The following SLC22A16 variants were observed in gnomAD, a reference collection of about 807,000 sequenced individuals.
SLC22A16 encodes solute carrier family 22 member 16.
Under a neutral mutation model 52.9 loss-of-function variants are expected in SLC22A16, and 53 were observed. That is an observed-to-expected ratio of 1.00 (90% CI 0.80 to 1.26). The LOEUF (loss-of-function observed/expected upper bound fraction) is 1.26. Among genes scored for constraint, SLC22A16 ranks in the 50% most tolerant of loss-of-function variants. SLC22A16 has a pLI of 0.00. For missense variants in SLC22A16, 726 were observed against 704.0 expected (o/e 1.03, Z -0.35); for synonymous variants, 291 against 268.8 (o/e 1.08, Z -0.81).
chr6:110,452,612 A>C (rs1428558323), intron 2 of SLC22A16, among the ~76,000 whole-genome samples: 1 of 152,214 alleles, frequency 6.6e-6, no homozygotes, highest in East Asian at 1.9e-4. Flanking sequence ...AGGCAGGAGA[A>C]TTGCTTGAGC....
chr6:110,437,695 C>A (rs1774788157), intron 5 of SLC22A16, among the ~76,000 whole-genome samples: 1 of 152,000 alleles, frequency 6.6e-6, no homozygotes, highest in Non-Finnish European at 1.5e-5. Context: ...ATTTTAAGTA[C>A]TGTTATAGTG....
At chr6:110,476,142 G>T (rs1562306771) in intron 1 of SLC22A16, 1 of 397,260 alleles carries the variant, frequency 2.5e-6, no homozygotes, top group Non-Finnish European at 4.7e-6. Context: ...GGAAGTGGCG[G>T]CGGATTAGAG....
chr6:110,471,155 T>C (rs894851156), intron 1 of SLC22A16, among the ~76,000 whole-genome samples: 2 of 152,144 alleles, frequency 1.3e-5, no homozygotes, highest in African/African-American at 4.8e-5. Context: ...GATTATAATA[T>C]TAATATCATA....
intron 1 of SLC22A16, among the ~76,000 whole-genome samples, chr6:110,472,297 C>G (rs998083840): frequency 2.0e-5 from 3 of 152,118 alleles, no homozygotes; most frequent in Non-Finnish European, 4.4e-5. Flanking sequence ...TCTCCCTGCC[C>G]ACACTCCCAC....
In SLC22A16 at chr6:110,438,882, G is replaced by A. The variant is rs756653435; in HGVS notation, c.1184-35C>T. On this transcript the variant is annotated intron_variant, in intron 4 of 7. Coordinates refer to ENST00000368919, the MANE Select transcript of SLC22A16 (RefSeq NM_033125.4). ...AGCAAGCAGCCCTCTATAAGTCTAG[G>A]TACCCGACTGCAAAAGGGGACCCCC... is the stretch of plus-strand genomic sequence containing the variant. 6 of 1,609,362 alleles carry A rather than the reference G, an allele frequency of 3.7e-6. No individual in the cohort carries two copies. In the Admixed American group the frequency reaches 5.0e-5, roughly 13 times the overall value.
chr6:110,425,365 A>G (rs1237778284), intron 7 of SLC22A16: 1 of 1,370,734 alleles, frequency 7.3e-7, no homozygotes, highest in Non-Finnish European at 9.7e-7. Flanking sequence ...ATTACTCCTG[A>G]AGGTGCTGTC....
chr6:110,445,110 T>C (rs1775118225), intron 3 of SLC22A16, among the ~76,000 whole-genome samples: 1 of 152,132 alleles, frequency 6.6e-6, no homozygotes, highest in South Asian at 2.1e-4. Context: ...ATTCCTGGAA[T>C]CCCTTTTGTG....
In SLC22A16 at chr6:110,442,423, C is replaced by A. The variant is rs1405401958; in HGVS notation, c.1004G>T (p.Ser335Ile). ...LLSLDLQGPVSNSPTEVQKHN... is the reference protein window; with the variant it reads ...LLSLDLQGPVINSPTEVQKHN... Reference sequence around the variant, plus strand: ...CTTCTGAACTTCAGTGGGGCTATTACTAACAGGACCTTGTAGGTCCAGTGA... The same window carrying A: ...CTTCTGAACTTCAGTGGGGCTATTAATAACAGGACCTTGTAGGTCCAGTGA... The change falls in exon 4 of 8, where the codon AGT (serine) becomes ATT (isoleucine). Residue 335 changes from serine to isoleucine, a missense_variant. By Grantham distance (142) the Ser-to-Ile change is moderately radical (BLOSUM62 -2). Transcript: ENST00000368919. The A allele has an allele frequency of 6.2e-7, 1 of 1,614,220 alleles. No individual in the cohort carries two copies. Among genetic ancestry groups the A allele is most frequent in the South Asian group, 1.1e-5 (1 of 91,084 alleles).
Position 110,431,156 on chromosome 6 carries a change from C to A in SLC22A16, c.1521+15G>T, listed in dbSNP as rs1164551199. 3.7e-6 allele frequency: 6 copies of A among 1,611,880 alleles called. No homozygotes were observed. The highest frequency in any genetic ancestry group is 5.1e-6 in the Non-Finnish European group (6 of 1,178,436). On this transcript the variant is annotated intron_variant, in intron 7 of 7. Transcript: ENST00000368919. ...TCCGTGCCCCCTTGGGGAGGGTCTG[C>A]AAACTGAAGCACACCTGTGGTATGA... is the stretch of plus-strand genomic sequence containing the variant.
chr6:110,469,799 C>A (rs1056018315), intron 1 of SLC22A16, among the ~76,000 whole-genome samples: 1 of 152,198 alleles, frequency 6.6e-6, no homozygotes, highest in South Asian at 2.1e-4. Flanking sequence ...AAAGACATTA[C>A]ACTAATGGGT....
At chr6:110,454,114 C>T (rs1775490753) in intron 2 of SLC22A16, among the ~76,000 whole-genome samples, 1 of 152,194 alleles carries the variant, frequency 6.6e-6, no homozygotes, top group East Asian at 1.9e-4. Flanking sequence ...AACACCGCCA[C>T]ACTGGGGATC....
intron 6 of SLC22A16, 122 bp from the exon 7 acceptor site, chr6:110,431,392 A>G: frequency 1.3e-6 from 1 of 758,804 alleles, no homozygotes; most frequent in Non-Finnish European, 2.2e-6. Flanking sequence ...CAGGCAGCGC[A>G]TTACAACGTT....
At chr6:110,472,784 T>A (rs1562304134) in intron 1 of SLC22A16, among the ~76,000 whole-genome samples, 2 of 152,240 alleles carry the variant, frequency 1.3e-5, no homozygotes, top group Non-Finnish European at 2.9e-5. Flanking sequence ...TATGACACTC[T>A]AATGGAAAAA....
At chr6:110,475,609 C>T (rs1776435252) in intron 1 of SLC22A16, among the ~76,000 whole-genome samples, 1 of 152,124 alleles carries the variant, frequency 6.6e-6, no homozygotes, top group Admixed American at 6.5e-5. Context: ...AGCCTGATTC[C>T]CGTTTTCTGG....
intron 2 of SLC22A16, 98 bp from the exon 3 acceptor site, chr6:110,447,088 C>G: frequency 1.2e-6 from 1 of 849,964 alleles, no homozygotes; most frequent in South Asian, 1.6e-5. Flanking sequence ...ACCTATATAC[C>G]TTGAATAGCT....
At position 110,437,001 on chromosome 6, in the gene SLC22A16, CA is replaced by C. The variant is rs201085190; in HGVS notation, c.1312-1041del. Among the ~76,000 whole-genome samples the C allele has an allele frequency of 5.3e-3, 804 of 152,216 alleles. 2 individuals carry two copies. The highest frequency in any genetic ancestry group is 0.02 in the Middle Eastern group (6 of 294). On this transcript the variant is annotated intron_variant, in intron 5 of 7. Coordinates refer to ENST00000368919, the MANE Select transcript of SLC22A16 (RefSeq NM_033125.4). ...CTACATCCCTGAATGACTCCATGGA[CA>C]CAAACACCCACTCACCACTCCCACT...
At chr6:110,430,077 G>T (rs1375450047) in intron 7 of SLC22A16, among the ~76,000 whole-genome samples, 5 of 152,016 alleles carry the variant, frequency 3.3e-5, no homozygotes, top group South Asian at 2.1e-4. Context: ...GGGGCACTGG[G>T]TCATGGCCAT....
At chr6:110,445,784 C>T (rs1775148121) in intron 3 of SLC22A16, among the ~76,000 whole-genome samples, 1 of 152,152 alleles carries the variant, frequency 6.6e-6, no homozygotes, top group South Asian at 2.1e-4. Context: ...TTCAGTCCCA[C>T]CAGAAGGTTT....
chr6:110,439,992 A>G (rs1336966072), intron 4 of SLC22A16: 1 of 152,230 alleles, frequency 6.6e-6, no homozygotes, highest in African/African-American at 2.4e-5. Context: ...ACAAAGAACA[A>G]TATATAGTGA....
Sources: gnomAD v4.1 joint callset for allele counts (sites outside exome capture counted in the v4.1 genomes callset) on GRCh38, gnomAD v4.1.1 for gene constraint, MANE v1.5 for transcripts, NCBI Gene and HGNC (gene_info 2026-07-23, HGNC 2026-07-21) for gene names.